Variants in DCC observed in about 807,000 individuals in gnomAD.
DCC encodes the protein DCC netrin 1 receptor.
DCC carries 58 observed loss-of-function variants against 172.5 expected under a neutral mutation model. The observed-to-expected ratio is 0.34, with a 90% CI of 0.27 to 0.42. The LOEUF is 0.42. Ranked by LOEUF, DCC falls within the 10% of genes least tolerant of loss-of-function variation. The pLI, the probability that DCC is intolerant of heterozygous loss-of-function variation, is 1.00. For synonymous variants in DCC, 709 were observed against 644.5 expected, an observed-to-expected ratio of 1.10 and a Z score of -1.52; for missense variants, 1,740 against 1,791.0, an observed-to-expected ratio of 0.97 and a Z score of 0.51.
chr18:53,483,376 C>T (rs1435605416), intron 25 of DCC, among the ~76,000 whole-genome samples: 1 of 151,782 alleles, frequency 6.6e-6, no homozygotes, highest in East Asian at 1.9e-4. Flanking sequence ...TAAAATTTGA[C>T]ACTTAAAATA....
intron 1 of DCC, among the ~76,000 whole-genome samples, chr18:52,451,932 T>C (rs1044272491): frequency 6.6e-6 from 1 of 152,180 alleles, no homozygotes; most frequent in African/African-American, 2.4e-5. Context: ...TCTAGGTGAT[T>C]CTGATAAAAT....
At chr18:52,848,109 A>G (rs1459670266) in intron 2 of DCC, among the ~76,000 whole-genome samples, 1 of 147,296 alleles carries the variant, frequency 6.8e-6, no homozygotes, top group African/African-American at 2.5e-5. Flanking sequence ...TTTTTGAGAA[A>G]GATTCTCACT....
chr18:52,895,312 C>T (rs2039712818), intron 2 of DCC, among the ~76,000 whole-genome samples: 1 of 152,150 alleles, frequency 6.6e-6, no homozygotes, highest in Admixed American at 6.5e-5. Flanking sequence ...AGCCTGAATT[C>T]TGTAAAACTA....
intron 12 of DCC, among the ~76,000 whole-genome samples, chr18:53,288,048 A>G (rs763129975): frequency 1.3e-5 from 2 of 152,136 alleles, no homozygotes; most frequent in Non-Finnish European, 2.9e-5. Flanking sequence ...CATCATCTGC[A>G]TACAGGATGT....
At chr18:53,074,269 A>G (rs950157019) in intron 7 of DCC, among the ~76,000 whole-genome samples, 2 of 152,200 alleles carry the variant, frequency 1.3e-5, no homozygotes, top group Non-Finnish European at 2.9e-5. Flanking sequence ...CCATACTACA[A>G]TGTTAACCGA....
intron 1 of DCC, among the ~76,000 whole-genome samples, chr18:52,541,875 G>GTGTATATATATATATATATATATATA (rs1555695194): frequency 8.7e-6 from 1 of 115,202 alleles, no homozygotes; most frequent in African/African-American, 3.3e-5. Context: ...GTGTGTGTGT[G>GTGTATATATATATATATATATATATA]TATATATATA....
chr18:53,246,678 T>C (rs2056368893), intron 12 of DCC, among the ~76,000 whole-genome samples: 1 of 152,138 alleles, frequency 6.6e-6, no homozygotes, highest in Admixed American at 6.6e-5. Flanking sequence ...AAGGCCAAGT[T>C]GGTCAAGAAC....
chr18:52,717,363 A>G (rs895750104), intron 1 of DCC, among the ~76,000 whole-genome samples: 1 of 151,802 alleles, frequency 6.6e-6, no homozygotes, highest in Non-Finnish European at 1.5e-5. Context: ...TTTAACAGGC[A>G]TAGTGATAGT....
chr18:53,077,401 G>T (rs1489016845), intron 7 of DCC, among the ~76,000 whole-genome samples: 10 of 152,058 alleles, frequency 6.6e-5, no homozygotes, highest in Non-Finnish European at 1.3e-4. Context: ...CTGACCACCT[G>T]GTCATAAGTG....
intron 12 of DCC, among the ~76,000 whole-genome samples, chr18:53,224,282 T>C (rs1032805740): frequency 2.0e-5 from 3 of 152,148 alleles, no homozygotes; most frequent in Non-Finnish European, 4.4e-5. Flanking sequence ...GAGTAACATA[T>C]TTCAAGTGAT....
chr18:53,435,347 T>A (rs932213143), intron 22 of DCC, 138 bp downstream of exon 22: 2 of 630,932 alleles, frequency 3.2e-6, no homozygotes, highest in African/African-American at 3.7e-5. Flanking sequence ...AATAGAAACA[T>A]GAAGTTATTA....
intron 5 of DCC, among the ~76,000 whole-genome samples, chr18:53,012,547 G>A (rs1568243964): frequency 6.6e-6 from 1 of 152,030 alleles, no homozygotes; most frequent in Non-Finnish European, 1.5e-5. Context: ...CAAAAGTTTA[G>A]CAGAGATGGA....
At chr18:53,171,773 A>C (rs1238475113) in intron 8 of DCC, among the ~76,000 whole-genome samples, 1 of 152,100 alleles carries the variant, frequency 6.6e-6, no homozygotes, top group Non-Finnish European at 1.5e-5. Flanking sequence ...ATATGAAAAA[A>C]CTGCTCAACA....
At chr18:52,912,558 A>T (rs557927356) in intron 3 of DCC, among the ~76,000 whole-genome samples, 1 of 151,946 alleles carries the variant, frequency 6.6e-6, no homozygotes, top group African/African-American at 2.4e-5. Flanking sequence ...CTAGTAACTT[A>T]TTGCTACATG....
At chr18:53,326,873 G>A (rs2144837663) in intron 14 of DCC, among the ~76,000 whole-genome samples, 1 of 152,304 alleles carries the variant, frequency 6.6e-6, no homozygotes, top group African/African-American at 2.4e-5. Context: ...TGCTGTAGCT[G>A]AAGATATCTG....
At chr18:53,193,974 C>T (rs2055403836) in intron 9 of DCC, among the ~76,000 whole-genome samples, 1 of 152,090 alleles carries the variant, frequency 6.6e-6, no homozygotes, top group African/African-American at 2.4e-5. Flanking sequence ...CTATACCTGT[C>T]ATTTATTGCT....
At chr18:52,876,918 G>T (rs2039412076) in intron 2 of DCC, among the ~76,000 whole-genome samples, 1 of 152,102 alleles carries the variant, frequency 6.6e-6, no homozygotes, top group African/African-American at 2.4e-5. Flanking sequence ...CTAGAATAGT[G>T]TTGCTAGATT....
At chr18:53,100,523 G>A (rs892686170) in intron 7 of DCC, among the ~76,000 whole-genome samples, 1 of 151,806 alleles carries the variant, frequency 6.6e-6, no homozygotes, top group African/African-American at 2.4e-5. Flanking sequence ...AGGACAATAG[G>A]TACAAGGGAG....
intron 9 of DCC, among the ~76,000 whole-genome samples, chr18:53,180,459 C>T (rs2055177214): frequency 1.3e-5 from 2 of 152,076 alleles, no homozygotes; most frequent in South Asian, 2.1e-4. Context: ...AATAAAAACA[C>T]AGGGGCACAT....
Sources: gnomAD v4.1 joint callset for allele counts (sites outside exome capture counted in the v4.1 genomes callset) on GRCh38, gnomAD v4.1.1 for gene constraint, MANE v1.5 for transcripts, NCBI Gene and HGNC (gene_info 2026-07-23, HGNC 2026-07-21) for gene names.